Variants in ZBTB7C observed in about 807,000 individuals in gnomAD.
ZBTB7C encodes the protein zinc finger and BTB domain-containing protein 7C.
In ZBTB7C, 8 loss-of-function variants were observed where a neutral mutation model predicts 25.7. The ratio of observed to expected loss-of-function variants is 0.31; its 90% confidence interval spans 0.18 to 0.56. ZBTB7C has a LOEUF of 0.56. ZBTB7C is among the 20% of genes least tolerant of loss of function. The pLI, the probability that ZBTB7C is intolerant of heterozygous loss-of-function variation, is 0.91. For synonymous variants in ZBTB7C, 394 were observed against 369.0 expected (o/e 1.07, Z -0.78); for missense variants, 824 against 855.2 (o/e 0.96, Z 0.46).
At chr18:48,191,971 T>C (rs990728878) in intron 2 of ZBTB7C, among the ~76,000 whole-genome samples, 5 of 152,226 alleles carry the variant, frequency 3.3e-5, no homozygotes, top group Admixed American at 2.6e-4. Flanking sequence ...TGAAAACTTA[T>C]ATCCCCACAA....
rs928702060 is a variant in ZBTB7C at position 48,187,859 on chromosome 18, G to C, written c.-78-1864C>G. Among the ~76,000 whole-genome samples the C allele has an allele frequency of 5.3e-5, 8 of 150,122 alleles. 1 individual carries two copies. Among genetic ancestry groups the C allele is most frequent in the Admixed American group, 2.0e-4 (3 of 15,008 alleles). ...AAAAAAAAAGACAGGAAGTAGAATG[G>C]TGGTTGCCAGGGGCTGGGCAGGGAG... On this transcript the variant is annotated intron_variant, in intron 2 of 4. Coordinates refer to ENST00000590800, the MANE Select transcript of ZBTB7C (RefSeq NM_001318841.2).
At chr18:48,274,628 C>T (rs1474823415) in intron 2 of ZBTB7C, among the ~76,000 whole-genome samples, 1 of 152,244 alleles carries the variant, frequency 6.6e-6, no homozygotes, top group Non-Finnish European at 1.5e-5. Flanking sequence ...ACACCTGACT[C>T]ATCCCCTTCC....
chr18:48,205,281 T>A (rs1442975770), intron 2 of ZBTB7C, among the ~76,000 whole-genome samples: 1 of 152,078 alleles, frequency 6.6e-6, no homozygotes, highest in Non-Finnish European at 1.5e-5. Context: ...ATATTTTCTA[T>A]AGACTAGTGA....
chr18:48,033,508 C>G (rs1221642077), intron 4 of ZBTB7C, among the ~76,000 whole-genome samples: 1 of 152,162 alleles, frequency 6.6e-6, no homozygotes, highest in Non-Finnish European at 1.5e-5. Context: ...CAGCCCTAGG[C>G]AGGAGCTTTC....
intron 1 of ZBTB7C, among the ~76,000 whole-genome samples, chr18:48,373,680 G>A (rs1017141451): frequency 7.2e-5 from 11 of 152,192 alleles, no homozygotes; most frequent in African/African-American, 2.7e-4. Context: ...AAAGTCTGTG[G>A]GCCGGGCACT....
chr18:48,324,565 T>C (rs1301453339), intron 2 of ZBTB7C, among the ~76,000 whole-genome samples: 1 of 152,042 alleles, frequency 6.6e-6, no homozygotes, highest in Non-Finnish European at 1.5e-5. Flanking sequence ...GATTAGGGCC[T>C]ATGGGAGGTG....
intron 3 of ZBTB7C, among the ~76,000 whole-genome samples, chr18:48,166,691 G>A (rs1006508303): frequency 2.0e-5 from 3 of 152,180 alleles, no homozygotes; most frequent in African/African-American, 7.2e-5. Context: ...ACGGGCCAAG[G>A]AGTGACCCCC....
At chr18:48,095,718 T>TAAAATA (rs1555690675) in intron 3 of ZBTB7C, among the ~76,000 whole-genome samples, 2 of 132,788 alleles carry the variant, frequency 1.5e-5, no homozygotes, top group Non-Finnish European at 3.3e-5. Flanking sequence ...TCTCAAAAAA[T>TAAAATA]AAATAAAATA....
In ZBTB7C at chr18:48,077,110, T is replaced by C. The variant is rs1433316101; in HGVS notation, c.-16-35987A>G. 4 of 603,746 alleles carry C rather than the reference T, an allele frequency of 6.6e-6. No individual in the cohort carries two copies. In the African/African-American group the frequency reaches 8.1e-5, roughly 12 times the overall value. 37.4% of individuals were successfully genotyped at this position (603,746 alleles called of 1,614,324 possible). A position where few individuals can be genotyped will look rare whatever the true frequency, so the allele number is the denominator to read the frequency against. ...TCCTCCTCTATGATTTTTTTTCTTATTCTAAAGGCAATACAGGCTCTCTTT... is the reference window on the plus strand; with the variant it reads ...TCCTCCTCTATGATTTTTTTTCTTACTCTAAAGGCAATACAGGCTCTCTTT... On this transcript the variant is annotated intron_variant, in intron 3 of 4. Coordinates refer to ENST00000590800, the MANE Select transcript of ZBTB7C (RefSeq NM_001318841.2).
At chr18:48,321,081 CTG>C (rs1379622567) in intron 2 of ZBTB7C, among the ~76,000 whole-genome samples, 1 of 152,256 alleles carries the variant, frequency 6.6e-6, no homozygotes, top group Admixed American at 6.5e-5. Flanking sequence ...TTATTGGTGC[CTG>C]AGTCTCACCC....
intron 1 of ZBTB7C, among the ~76,000 whole-genome samples, chr18:48,359,180 T>A (rs1250836839): frequency 1.1e-4 from 16 of 152,238 alleles, no homozygotes; most frequent in Non-Finnish European, 2.2e-4. Context: ...ACAAGAGAAC[T>A]AGCTGGTGGC....
chr18:48,270,904 A>G (rs2044467460), intron 2 of ZBTB7C, among the ~76,000 whole-genome samples: 2 of 152,194 alleles, frequency 1.3e-5, no homozygotes, highest in African/African-American at 4.8e-5. Flanking sequence ...ACAAAAAAAA[A>G]TAGCAATAGG....
At chr18:48,169,762 A>C (rs1431952491) in intron 3 of ZBTB7C, 1 of 121,576 alleles carries the variant, frequency 8.2e-6, no homozygotes, top group South Asian at 3.4e-4. Context: ...TTTTACTATC[A>C]AAAGTGTCCC....
intron 1 of ZBTB7C, among the ~76,000 whole-genome samples, chr18:48,341,359 G>A (rs1201634107): frequency 6.6e-6 from 1 of 152,248 alleles, no homozygotes; most frequent in Non-Finnish European, 1.5e-5. Context: ...GGCAAGGCCT[G>A]TGGCTGCATT....
In ZBTB7C at chr18:48,249,210, G is replaced by T. The variant is rs370214993; in HGVS notation, c.-78-63215C>A. On this transcript the variant is annotated intron_variant, in intron 2 of 4. Transcript: ENST00000590800. Reference sequence around the variant, plus strand: ...TTTTGCAAAGCAATTCAGCAATATAGAGAAAGAGCCATATACATGTCTGTG... The same window carrying T: ...TTTTGCAAAGCAATTCAGCAATATATAGAAAGAGCCATATACATGTCTGTG... Among the ~76,000 whole-genome samples the T allele has an allele frequency of 5.3e-5, 8 of 152,216 alleles. No individual in the cohort carries two copies. The East Asian group carries it at 1.5e-3, about 29-fold the overall frequency.
chr18:48,070,488 G>C (rs781493663), intron 3 of ZBTB7C, among the ~76,000 whole-genome samples: 2 of 152,248 alleles, frequency 1.3e-5, no homozygotes, highest in Admixed American at 6.5e-5. Flanking sequence ...CTCCATCTCA[G>C]TGGATGTTTT....
At chr18:48,136,038 A>G (rs2040144149) in intron 3 of ZBTB7C, among the ~76,000 whole-genome samples, 1 of 152,168 alleles carries the variant, frequency 6.6e-6, no homozygotes, top group African/African-American at 2.4e-5. Context: ...ACCACAGAGC[A>G]CGGCGTGGGG....
intron 3 of ZBTB7C, chr18:48,165,472 C>T (rs560589429): frequency 6.8e-6 from 2 of 293,866 alleles, no homozygotes; most frequent in East Asian, 9.9e-5. Flanking sequence ...GGATCAGACT[C>T]CCAAACTGCG....
At chr18:48,178,624 G>C (rs1465733967) in intron 3 of ZBTB7C, among the ~76,000 whole-genome samples, 1 of 152,120 alleles carries the variant, frequency 6.6e-6, no homozygotes, top group Non-Finnish European at 1.5e-5. Context: ...GAGACACTTG[G>C]GGCTCTTTAT....
Sources: gnomAD v4.1 joint callset for allele counts (sites outside exome capture counted in the v4.1 genomes callset) on GRCh38, gnomAD v4.1.1 for gene constraint, MANE v1.5 for transcripts, NCBI Gene and HGNC (gene_info 2026-07-23, HGNC 2026-07-21) for gene names.